ORC1: variants seen among roughly 807,000 people sequenced by gnomAD.
The protein encoded by ORC1 is origin recognition complex subunit 1.
Under a neutral mutation model 98.9 loss-of-function variants are expected in ORC1, and 61 were observed. The ratio of observed to expected loss-of-function variants is 0.62; its 90% CI spans 0.50 to 0.76. The LOEUF (loss-of-function observed/expected upper bound fraction) is 0.76. ORC1 is among the 30% of genes least tolerant of loss of function. The pLI is 0.00. For missense variants in ORC1, 979 were observed against 1,072.2 expected (o/e 0.91, Z 1.21); for synonymous variants, 385 against 406.9 (o/e 0.95, Z 0.65).
rs770661837 is a variant in ORC1, at chr1:52,384,539, G to C, written c.1755+11C>G. 2 of 1,613,256 alleles carry C rather than the reference G, an allele frequency of 1.2e-6. No individual in the cohort carries two copies. The highest frequency in any genetic ancestry group is 4.5e-5 in the East Asian group (2 of 44,884). The stretch of plus-strand genomic sequence containing the variant: ...CAGCATTTTCCAAAAAGCCTAAACA[G>C]CTCTGCTTACCTGCAAGATTTGCAC... On this transcript the variant is annotated intron_variant, in intron 11 of 16. Transcript: ENST00000371568.
chr1:52,389,155 A>G (rs1220673656), intron 7 of ORC1, 62 bp downstream of exon 7: 2 of 1,212,278 alleles, frequency 1.6e-6, no homozygotes, highest in East Asian at 2.3e-5. Context: ...GCATTAGGAG[A>G]TAAGATTATA....
intron 5 of ORC1, 25 bp from the exon 6 acceptor site, chr1:52,393,828 A>C (rs1647285037): frequency 1.2e-6 from 2 of 1,608,172 alleles, no homozygotes; most frequent in East Asian, 4.5e-5. Context: ...CACAATGTGT[A>C]AATTTTTTAC....
rs372145584 is a variant in ORC1, at chr1:52,396,030, C to A, written c.721+16G>T. 3.2e-5 allele frequency: 52 copies of A among 1,614,046 alleles called. No individual in the cohort carries two copies. The highest frequency in any genetic ancestry group is 1.0e-4 in the Admixed American group (6 of 59,996). ...TAGCCCCAGTATTGCCCACGGTGAT[C>A]CATTCCACAACTTACTGCCAAGCTC... is the stretch of plus-strand genomic sequence containing the variant. On this transcript the variant is annotated intron_variant, in intron 5 of 16. Transcript: ENST00000371568.
At chr1:52,408,618 A>G (rs751342565), upstream of ORC1, 7 of 1,614,082 alleles carry the variant, frequency 4.3e-6, no homozygotes, top group East Asian at 4.5e-5. Context: ...AGGCACTGCA[A>G]TTGATTGCTA....
intron 10 of ORC1, 75 bp from the exon 11 acceptor site, chr1:52,384,796 G>GA: frequency 7.7e-7 from 1 of 1,305,058 alleles, no homozygotes; most frequent in South Asian, 1.2e-5. Context: ...AGGAGTGTGG[G>GA]AATGTATACT....
In ORC1 at chr1:52,393,775, C is replaced by G; in HGVS notation, c.750G>C (p.Gln250His). 6.2e-7 allele frequency: 1 copy of G among 1,613,826 alleles called. No individual in the cohort carries two copies. The highest frequency in any genetic ancestry group is 1.3e-5 in the African/African-American group (1 of 75,030). ...GAGAATCCAAGGAGGCACATGAAGT[C>G]TGCTGGGACATCTGAGGGTTACCTA... ...GNLGNPQMSQ[Q>H]TSCASLDSPG... is the part of the protein sequence containing the mutation. The change falls in exon 6 of 17, where the codon CAG becomes CAC. Residue 250 changes from glutamine (Q) to histidine (H), a missense_variant. Physicochemically the swap from Gln to His is conservative, Grantham distance 24. Transcript: ENST00000371568.
chr1:52,383,110 C>A (rs371333432), intron 13 of ORC1, among the ~76,000 whole-genome samples: 52 of 151,692 alleles, frequency 3.4e-4, no homozygotes, highest in African/African-American at 1.2e-3. Context: ...TGCTTCGTTG[C>A]CAGACTGGAG....
intron 8 of ORC1, among the ~76,000 whole-genome samples, chr1:52,387,175 G>C (rs1647153335): frequency 1.3e-5 from 2 of 152,130 alleles, no homozygotes; most frequent in Non-Finnish European, 2.9e-5. Context: ...GAGGTGAGTG[G>C]TGGGTGGGGT....
At chr1:52,377,624 A>G (rs997261262) in intron 14 of ORC1, among the ~76,000 whole-genome samples, 3 of 145,026 alleles carry the variant, frequency 2.1e-5, no homozygotes, top group African/African-American at 7.6e-5. Context: ...TGGAGCCCAA[A>G]TTTATGTTGT....
chr1:52,404,912 C>G (rs753278776), upstream of ORC1: 1 of 1,609,058 alleles, frequency 6.2e-7, no homozygotes. Context: ...CCTCTCAGCC[C>G]CCTTGTGGCC....
At chr1:52,406,393 C>T (rs1431706534), upstream of ORC1, among the ~76,000 whole-genome samples, 1 of 152,172 alleles carries the variant, frequency 6.6e-6, no homozygotes, top group East Asian at 1.9e-4. Context: ...TCACTAAATA[C>T]ATATTAAGCA....
chr1:52,396,069 G>T lies in ORC1; in HGVS notation c.698C>A (p.Ala233Asp). Residue 233 changes from alanine (A) to aspartate (D), a missense_variant, in exon 5 of 17, where the codon GCC (alanine) becomes GAC (aspartate). Coordinates refer to ENST00000371568, the MANE Select transcript of ORC1 (RefSeq NM_004153.4). ...QTPTHPLTPR[A>D]RKRLELGNLG... ...ACTGCCAAGCTCCAGCCTCTTTCTGGCTCTTGGGGTAAGAGGATGGGTAGG... is the reference window on the plus strand; with the variant it reads ...ACTGCCAAGCTCCAGCCTCTTTCTGTCTCTTGGGGTAAGAGGATGGGTAGG... 1 of 1,614,168 alleles carries T rather than the reference G, an allele frequency of 6.2e-7. No individual in the cohort carries two copies.
intron 8 of ORC1, 106 bp from the exon 9 acceptor site, chr1:52,386,055 G>A (rs987492271): frequency 6.0e-6 from 5 of 839,200 alleles, no homozygotes; most frequent in Admixed American, 4.0e-5. Flanking sequence ...AAGAGAGGTG[G>A]TGAATTCCTC....
Position 52,373,246 on chromosome 1 carries a change from G to A in ORC1, c.2521C>T (p.Leu841=). 1 of 1,614,224 alleles carries A rather than the reference G, an allele frequency of 6.2e-7. No individual in the cohort carries two copies. Among genetic ancestry groups the A allele is most frequent in the Non-Finnish European group, 8.5e-7 (1 of 1,180,048 alleles). ...ACGTTGAGCCGCACCCGAAGGAGCA[G>A]ATCGTTCCTGCTGGGCTCCACAAGC... ...LLLVEPSRND[L]LLRVRLNVSQ... is the part of the protein sequence containing the mutation. Residue 841 remains leucine (L), a synonymous_variant, in exon 17 of 17, where the codon CTG becomes TTG. Transcript: ENST00000371568.
intron 5 of ORC1, 23 bp from the exon 6 acceptor site, chr1:52,393,826 G>A: frequency 6.2e-7 from 1 of 1,608,618 alleles, no homozygotes; most frequent in South Asian, 1.1e-5. Context: ...ATCACAATGT[G>A]TAAATTTTTT....
chr1:52,403,247 T>C (rs1426550554), intron 1 of ORC1, among the ~76,000 whole-genome samples: 3 of 152,260 alleles, frequency 2.0e-5, no homozygotes, highest in African/African-American at 7.2e-5. Flanking sequence ...TATTTTAGGA[T>C]AATGGAAGAT....
intron 3 of ORC1, among the ~76,000 whole-genome samples, chr1:52,398,648 C>T (rs1647542728): frequency 6.6e-6 from 1 of 151,960 alleles, no homozygotes; most frequent in Non-Finnish European, 1.5e-5. Context: ...GTGGTTTGAT[C>T]TTGGCTCACT....
intron 14 of ORC1, among the ~76,000 whole-genome samples, chr1:52,378,761 C>T (rs965118635): frequency 2.6e-5 from 4 of 152,096 alleles, no homozygotes; most frequent in East Asian, 1.9e-4. Context: ...GTGCCAGGCG[C>T]GGTGGCTCAC....
chr1:52,385,140 T>G (rs1203292585), intron 10 of ORC1, 21 bp downstream of exon 10: 1 of 1,507,688 alleles, frequency 6.6e-7, no homozygotes, highest in African/African-American at 1.4e-5. Context: ...CAAACTACCC[T>G]GCCTGCCTCA....
Sources: allele counts gnomAD v4.1 joint callset (sites outside exome capture counted in the v4.1 genomes callset), GRCh38; gene constraint gnomAD v4.1.1; transcripts MANE v1.5; gene names NCBI Gene and HGNC (gene_info 2026-07-23, HGNC 2026-07-21).